The following NCOA2 variants were observed in gnomAD, a reference collection of about 807,000 sequenced individuals.
NCOA2 encodes class E basic helix-loop-helix protein 75.
Under a neutral mutation model 145.1 loss-of-function variants are expected in NCOA2, and 21 were observed. The ratio of observed to expected loss-of-function variants is 0.14; its 90% CI spans 0.10 to 0.21. The LOEUF is 0.21. Among genes scored for constraint, NCOA2 ranks in the 10% least tolerant of loss-of-function variants. The probability of loss-of-function intolerance (pLI) is 1.00; values close to 1 mark genes in which losing one functional copy is unlikely to be tolerated. For synonymous variants in NCOA2, 619 were observed against 637.5 expected (o/e 0.97, Z 0.44); for missense variants, 1,472 against 1,837.6 (o/e 0.80, Z 3.64).
chr8:70,193,020 T>C (rs560826915), intron 4 of NCOA2, among the ~76,000 whole-genome samples: 12 of 144,838 alleles, frequency 8.3e-5, no homozygotes, highest in South Asian at 2.2e-4. Context: ...TGAGCCGAGA[T>C]TGCACCACTG....
the NCOA2 span, among the ~76,000 whole-genome samples, chr8:70,424,904 GATC>G: frequency 6.6e-6 from 1 of 152,170 alleles, no homozygotes; most frequent in African/African-American, 2.4e-5. Context: ...AGGCAGCGTG[GATC>G]ATCATTTGCC....
At chr8:70,126,535 C>G (rs1563487070) in intron 19 of NCOA2, 1 of 460,930 alleles carries the variant, frequency 2.2e-6, no homozygotes, top group South Asian at 3.5e-5. Context: ...ACAAGATAGA[C>G]ACAGTCTATG....
intron 2 of NCOA2, among the ~76,000 whole-genome samples, chr8:70,262,715 G>A (rs1432996698): frequency 1.3e-5 from 2 of 152,202 alleles, no homozygotes; most frequent in Admixed American, 1.3e-4. Context: ...AAGAAGGCCT[G>A]AGAAGGCTGC....
chr8:70,232,842 A>G (rs907326748), intron 2 of NCOA2, among the ~76,000 whole-genome samples: 1 of 135,900 alleles, frequency 7.4e-6, no homozygotes, highest in African/African-American at 2.8e-5. Flanking sequence ...TTTATCCCCA[A>G]ACACTGGGGA....
At chr8:70,363,652 A>G (rs569818361) in intron 1 of NCOA2, among the ~76,000 whole-genome samples, 88 of 152,298 alleles carry the variant, frequency 5.8e-4, no homozygotes, top group African/African-American at 1.9e-3. Flanking sequence ...GACTCAAAAG[A>G]CTGTAGGATT....
intron 6 of NCOA2, among the ~76,000 whole-genome samples, chr8:70,169,608 T>TA (rs1008689790): frequency 6.6e-6 from 1 of 151,998 alleles, no homozygotes; most frequent in African/African-American, 2.4e-5. Flanking sequence ...TGTGTCACCT[T>TA]AAAAAAACAA....
Position 70,113,486 on chromosome 8 carries a change from C to T in NCOA2, c.*146G>A. Reference sequence around the variant, plus strand: ...CTGCCACAGCCGAGTGGACGCCACCCTGGGAACCAGGGCCAGGCCTGTCTG... The same window carrying T: ...CTGCCACAGCCGAGTGGACGCCACCTTGGGAACCAGGGCCAGGCCTGTCTG... On this transcript the variant is annotated 3_prime_UTR_variant, in exon 23 of 23. Transcript: ENST00000452400. 1.1e-6 allele frequency: 1 copy of T among 876,862 alleles called. No individual in the cohort carries two copies. The highest frequency in any genetic ancestry group is 1.8e-6 in the Non-Finnish European group (1 of 562,018). The allele number at this position is 876,862 out of a possible 1,614,324, so 54.3% of individuals were successfully genotyped here.
chr8:70,450,464 C>T, the NCOA2 span, among the ~76,000 whole-genome samples: 1 of 152,246 alleles, frequency 6.6e-6, no homozygotes, highest in South Asian at 2.1e-4. Flanking sequence ...TTGGACTTTC[C>T]AGCCTCCAGA....
chr8:70,378,029 G>A (rs1015062218), intron 1 of NCOA2, among the ~76,000 whole-genome samples: 1 of 152,122 alleles, frequency 6.6e-6, no homozygotes, highest in Non-Finnish European at 1.5e-5. Flanking sequence ...CACCCAAGTT[G>A]GAACCATGAG....
upstream of NCOA2, among the ~76,000 whole-genome samples, chr8:70,406,409 G>A (rs116696152): frequency 5.9e-3 from 895 of 152,034 alleles, 5 homozygotes; most frequent in African/African-American, 0.02. Context: ...TAGAGGAGGC[G>A]GTAAATAAGT....
At chr8:70,406,460 GA>G (rs1814782717), upstream of NCOA2, among the ~76,000 whole-genome samples, 1 of 151,926 alleles carries the variant, frequency 6.6e-6, no homozygotes, top group Non-Finnish European at 1.5e-5. Flanking sequence ...AAGAAGGAAA[GA>G]AAAAAGAAGG....
chr8:70,430,374 C>G, the NCOA2 span, among the ~76,000 whole-genome samples: 4 of 152,146 alleles, frequency 2.6e-5, no homozygotes, highest in African/African-American at 9.7e-5. Context: ...ATTATCTTTA[C>G]TTTTACAATA....
chr8:70,197,111 G>A (rs1372642763), intron 4 of NCOA2, among the ~76,000 whole-genome samples: 1 of 152,162 alleles, frequency 6.6e-6, no homozygotes, highest in Non-Finnish European at 1.5e-5. Context: ...AAAGAAAAAA[G>A]TATAGTTAAG....
At position 70,110,682 on chromosome 8, in the gene NCOA2, T is replaced by C. The variant is rs180865680; in HGVS notation, c.*2950A>G. The C allele has an allele frequency of 6.1e-4, 133 of 216,476 alleles. No individual in the cohort carries two copies. Among genetic ancestry groups the C allele is most frequent in the Admixed American group, 1.0e-3 (18 of 17,254 alleles). The allele number at this position is 216,476 out of a possible 1,614,324, so 13.4% of individuals were successfully genotyped here. A position where few individuals can be genotyped will look rare whatever the true frequency, so the allele number is the denominator to read the frequency against. ...TCCATTTTTGAACACAGATTAAAAA[T>C]TGCATTATATAAACTGCAAAAACAT... On this transcript the variant is annotated 3_prime_UTR_variant, in exon 23 of 23. Coordinates refer to ENST00000452400, the MANE Select transcript of NCOA2 (RefSeq NM_006540.4).
At chr8:70,281,804 A>G (rs1825904323) in intron 2 of NCOA2, among the ~76,000 whole-genome samples, 1 of 152,210 alleles carries the variant, frequency 6.6e-6, no homozygotes, top group Non-Finnish European at 1.5e-5. Flanking sequence ...TACACCTGCA[A>G]AATGGAGATT....
At chr8:70,195,438 G>A (rs1048725113) in intron 4 of NCOA2, among the ~76,000 whole-genome samples, 2 of 152,110 alleles carry the variant, frequency 1.3e-5, no homozygotes, top group East Asian at 1.9e-4. Context: ...TGATTGAAAC[G>A]TGGGGTCCTA....
At chr8:70,212,177 A>C (rs1819114539) in intron 4 of NCOA2, among the ~76,000 whole-genome samples, 1 of 151,948 alleles carries the variant, frequency 6.6e-6, no homozygotes, top group African/African-American at 2.4e-5. Context: ...TTAGAAACCT[A>C]AAACAAGAAG....
At chr8:70,175,851 C>T (rs1042835312) in intron 4 of NCOA2, among the ~76,000 whole-genome samples, 1 of 143,546 alleles carries the variant, frequency 7.0e-6, no homozygotes, top group Non-Finnish European at 1.5e-5. Context: ...AATTAACCTG[C>T]TTTCAGAACC....
chr8:70,343,968 C>A (rs953252142), intron 1 of NCOA2, among the ~76,000 whole-genome samples: 1 of 152,036 alleles, frequency 6.6e-6, no homozygotes, highest in South Asian at 2.1e-4. Context: ...ATAAGGTTAC[C>A]CCAGACCAGC....
Sources: allele counts gnomAD v4.1 joint callset (sites outside exome capture counted in the v4.1 genomes callset), GRCh38; gene constraint gnomAD v4.1.1; transcripts MANE v1.5; gene names NCBI Gene and HGNC (gene_info 2026-07-23, HGNC 2026-07-21).